The following SLC1A7 variants were observed in gnomAD, a reference collection of about 807,000 sequenced individuals.
SLC1A7 encodes excitatory amino acid transporter 5.
In SLC1A7, 40 loss-of-function variants were observed where a neutral mutation model predicts 47.7. That is an observed-to-expected ratio of 0.84 (90% CI 0.65 to 1.09). The LOEUF is 1.09. Ranked by LOEUF, SLC1A7 falls within the 50% of genes least tolerant of loss-of-function variation. The probability of loss-of-function intolerance (pLI) is 0.00; values close to 1 mark genes in which losing one functional copy is unlikely to be tolerated. For missense variants in SLC1A7, 746 were observed against 769.5 expected, an observed-to-expected ratio of 0.97 and a Z score of 0.36; for synonymous variants, 323 against 325.6, an observed-to-expected ratio of 0.99 and a Z score of 0.09.
At chr1:53,128,039 C>T (rs566182157) in intron 2 of SLC1A7, among the ~76,000 whole-genome samples, 178 of 152,244 alleles carry the variant, frequency 1.2e-3, no homozygotes, top group Admixed American at 4.6e-3. Flanking sequence ...GCAATGATAA[C>T]GAATACACAC....
At chr1:53,119,492 G>A (rs1261052478) in intron 2 of SLC1A7, among the ~76,000 whole-genome samples, 1 of 152,148 alleles carries the variant, frequency 6.6e-6, no homozygotes, top group Non-Finnish European at 1.5e-5. Flanking sequence ...GGGACTACAG[G>A]CACTCGACAC....
At position 53,114,909 on chromosome 1, in the gene SLC1A7, C is replaced by A; in HGVS notation, c.280G>T (p.Ala94Ser). The change falls in exon 3 of 11, where the codon GCG (alanine) becomes TCG (serine). Residue 94 changes from alanine (A) to serine (S), a missense_variant. By Grantham distance (99) the Ala-to-Ser change is moderately conservative. Coordinates refer to ENST00000371494, the MANE Select transcript of SLC1A7 (RefSeq NM_006671.6). The part of the protein sequence containing the change: ...TSSRLGVLTV[A>S]YYLWTTFMAV... The stretch of plus-strand genomic sequence containing the variant: ...ATGAAGGTGGTCCACAGGTAGTACG[C>A]CACGGTGAGGACGCCCAGGCGGCTA... The A allele has an allele frequency of 5.6e-6, 9 of 1,614,190 alleles. No homozygotes were observed. The highest frequency in any genetic ancestry group is 7.6e-6 in the Non-Finnish European group (9 of 1,180,036).
intron 1 of SLC1A7, among the ~76,000 whole-genome samples, chr1:53,135,704 T>C (rs577069972): frequency 6.6e-6 from 1 of 152,178 alleles, no homozygotes; most frequent in East Asian, 1.9e-4. Context: ...AAAAATGCTG[T>C]TTATCTGAAA....
intron 2 of SLC1A7, chr1:53,118,316 A>G (rs920423220): frequency 1.3e-5 from 2 of 152,236 alleles, no homozygotes; most frequent in African/African-American, 4.8e-5. Context: ...CTCTATAGGA[A>G]ATGTAATTAT....
intron 5 of SLC1A7, chr1:53,102,253 C>A (rs908846186): frequency 7.2e-5 from 11 of 152,340 alleles, no homozygotes; most frequent in African/African-American, 2.7e-4. Flanking sequence ...GCCGTCCACC[C>A]ATCTCCCTAC....
At position 53,087,957 on chromosome 1, in the gene SLC1A7, G is replaced by T. The variant is rs1644377362; in HGVS notation, c.*52C>A. On this transcript the variant is annotated 3_prime_UTR_variant, in exon 11 of 11. Transcript: ENST00000371494. ...AGGAGGGTTGGAGAGTCGAGTTCCT[G>T]CCTCAGGACCCTGCCCCTGGAGGCC... The T allele has an allele frequency of 1.7e-6, 2 of 1,172,886 alleles. No individual in the cohort carries two copies. Among genetic ancestry groups the T allele is most frequent in the Admixed American group, 2.6e-5 (1 of 38,720 alleles). 72.7% of individuals were successfully genotyped at this position (1,172,886 alleles called of 1,614,324 possible). A position where few individuals can be genotyped will look rare whatever the true frequency, so the allele number is the denominator to read the frequency against.
At chr1:53,129,082 G>A (rs1371575323) in intron 2 of SLC1A7, among the ~76,000 whole-genome samples, 2 of 139,372 alleles carry the variant, frequency 1.4e-5, no homozygotes, top group Non-Finnish European at 3.1e-5. Flanking sequence ...GGGAGGCTGA[G>A]GCAGGAGAAT....
intron 4 of SLC1A7, among the ~76,000 whole-genome samples, chr1:53,104,670 C>T (rs904579816): frequency 1.3e-5 from 2 of 152,178 alleles, no homozygotes; most frequent in African/African-American, 4.8e-5. Flanking sequence ...TCAGGAGAGA[C>T]GCGGCGATAT....
At chr1:53,096,309 ACT>A (rs1557669543) in intron 5 of SLC1A7, among the ~76,000 whole-genome samples, 1 of 136,920 alleles carries the variant, frequency 7.3e-6, no homozygotes, top group Non-Finnish European at 1.6e-5. Context: ...GTCTCGGTAA[ACT>A]CACCCCATCT....
At chr1:53,098,368 C>A (rs1434954632) in intron 5 of SLC1A7, among the ~76,000 whole-genome samples, 1 of 149,846 alleles carries the variant, frequency 6.7e-6, no homozygotes, top group African/African-American at 2.5e-5. Context: ...CCTTGGTACA[C>A]ACATACGGTC....
intron 1 of SLC1A7, among the ~76,000 whole-genome samples, chr1:53,136,957 G>A (rs2150347597): frequency 6.6e-6 from 1 of 152,040 alleles, no homozygotes; most frequent in Non-Finnish European, 1.5e-5. Flanking sequence ...GTGAGCCACT[G>A]CACTGGCACC....
Position 53,092,721 on chromosome 1 carries a change from G to T in SLC1A7, c.864C>A (p.Ala288=). 1 of 1,614,064 alleles carries T rather than the reference G, an allele frequency of 6.2e-7. No individual in the cohort carries two copies. Among genetic ancestry groups the T allele is most frequent in the South Asian group, 1.1e-5 (1 of 91,086 alleles). The change falls in exon 7 of 11, where the codon GCC becomes GCA. Residue 288 remains alanine, a synonymous_variant. Coordinates refer to ENST00000371494, the MANE Select transcript of SLC1A7 (RefSeq NM_006671.6). ...GKILEMDDPR[A]VGKKLGFYSV... Reference sequence around the variant, plus strand: ...AGTAGAAGCCCAGCTTCTTGCCGACGGCCCTGGGGTCGTCCATCTCCAGGA... The same window carrying T: ...AGTAGAAGCCCAGCTTCTTGCCGACTGCCCTGGGGTCGTCCATCTCCAGGA...
At chr1:53,103,239 C>T in intron 5 of SLC1A7, 107 bp downstream of exon 5, 1 of 812,882 alleles carries the variant, frequency 1.2e-6, no homozygotes, top group South Asian at 1.9e-5. Flanking sequence ...CACAGTAAAC[C>T]TCTCCAGCAT....
chr1:53,097,597 G>A (rs139791876), intron 5 of SLC1A7, among the ~76,000 whole-genome samples: 8 of 144,712 alleles, frequency 5.5e-5, no homozygotes, highest in Admixed American at 2.1e-4. Flanking sequence ...ATACTGCCTC[G>A]GTACACTCAA....
intron 5 of SLC1A7, among the ~76,000 whole-genome samples, chr1:53,099,777 TACAC>T (rs766398646): frequency 2.2e-5 from 3 of 135,602 alleles, no homozygotes; most frequent in South Asian, 2.4e-4. Flanking sequence ...CCTGTCTCAG[TACAC>T]ACACACACCA....
chr1:53,088,552 T>C (rs1489776374), intron 10 of SLC1A7, among the ~76,000 whole-genome samples: 1 of 152,164 alleles, frequency 6.6e-6, no homozygotes, highest in Non-Finnish European at 1.5e-5. Flanking sequence ...AGAAGGAGCC[T>C]GAAGCCCACA....
At chr1:53,110,929 T>C (rs1339104264) in intron 3 of SLC1A7, among the ~76,000 whole-genome samples, 1 of 152,108 alleles carries the variant, frequency 6.6e-6, no homozygotes, top group Non-Finnish European at 1.5e-5. Flanking sequence ...ATGCCACTGA[T>C]GACCTTAAAC....
chr1:53,093,017 C>T (rs1346376672), intron 6 of SLC1A7, among the ~76,000 whole-genome samples: 1 of 152,212 alleles, frequency 6.6e-6, no homozygotes, highest in Non-Finnish European at 1.5e-5. Flanking sequence ...GCCCTGCCTT[C>T]AGGAGGCCCC....
At chr1:53,109,990 C>G (rs1415969210) in intron 3 of SLC1A7, among the ~76,000 whole-genome samples, 1 of 152,196 alleles carries the variant, frequency 6.6e-6, no homozygotes, top group African/African-American at 2.4e-5. Context: ...CCACCCTGCT[C>G]TAATCCATCC....
Sources: gnomAD v4.1 joint callset for allele counts (sites outside exome capture counted in the v4.1 genomes callset) on GRCh38, gnomAD v4.1.1 for gene constraint, MANE v1.5 for transcripts, NCBI Gene and HGNC (gene_info 2026-07-23, HGNC 2026-07-21) for gene names.